Variants in ETS1 observed in about 807,000 individuals in gnomAD.
The protein encoded by ETS1 is ETS proto-oncogene 1, transcription factor.
A neutral mutation model predicts 58.6 loss-of-function variants in ETS1; 15 were observed. That is an observed-to-expected ratio of 0.26 (90% CI 0.17 to 0.39). ETS1 has a LOEUF of 0.39. Ranked by LOEUF, ETS1 falls within the 10% of genes least tolerant of loss-of-function variation. The probability of loss-of-function intolerance (pLI) is 1.00; values close to 1 mark genes in which losing one functional copy is unlikely to be tolerated. For missense variants in ETS1, 417 were observed against 610.5 expected, an observed-to-expected ratio of 0.68 and a Z score of 3.34; for synonymous variants, 214 against 218.2, an observed-to-expected ratio of 0.98 and a Z score of 0.17.
chr11:128,503,306 T>C (rs567831369), intron 3 of ETS1, among the ~76,000 whole-genome samples: 18 of 152,262 alleles, frequency 1.2e-4, no homozygotes, highest in African/African-American at 4.3e-4. Context: ...AGCAGGCACA[T>C]GCTGGATACT....
intron 3 of ETS1, among the ~76,000 whole-genome samples, chr11:128,523,623 A>C (rs1863744451): frequency 6.6e-6 from 1 of 152,234 alleles, no homozygotes; most frequent in Non-Finnish European, 1.5e-5. Flanking sequence ...TTGAAGCCTT[A>C]GTAATTTGCA....
chr11:128,487,551 C>T (rs1467294041), intron 5 of ETS1, among the ~76,000 whole-genome samples: 9 of 151,950 alleles, frequency 5.9e-5, no homozygotes, highest in Non-Finnish European at 1.0e-4. Context: ...CCATCCTGGC[C>T]AACACGGTGA....
chr11:128,497,830 A>G (rs1862983050), intron 3 of ETS1, among the ~76,000 whole-genome samples: 1 of 152,158 alleles, frequency 6.6e-6, no homozygotes, highest in African/African-American at 2.4e-5. Flanking sequence ...ACCCAAATCA[A>G]TTCCAGGTGT....
intron 3 of ETS1, among the ~76,000 whole-genome samples, chr11:128,541,656 G>C (rs1864059763): frequency 1.3e-5 from 2 of 151,866 alleles, no homozygotes; most frequent in South Asian, 4.2e-4. Context: ...TATAATCTTG[G>C]GTAGTACCCA....
At chr11:128,522,078 G>T in intron 3 of ETS1, 1 of 1,393,698 alleles carries the variant, frequency 7.2e-7, no homozygotes, top group African/African-American at 1.5e-5. Context: ...TAGTAACAGG[G>T]GGAAGGGGAC....
At chr11:128,583,661 CTT>C (rs777523065) in intron 1 of ETS1, among the ~76,000 whole-genome samples, 1 of 152,104 alleles carries the variant, frequency 6.6e-6, no homozygotes, top group Non-Finnish European at 1.5e-5. Flanking sequence ...GACTAAATCT[CTT>C]TTAAATCTCT....
intron 3 of ETS1, among the ~76,000 whole-genome samples, chr11:128,556,086 G>A (rs1864307743): frequency 6.6e-6 from 1 of 152,084 alleles, no homozygotes; most frequent in Admixed American, 6.6e-5. Context: ...ACCTTTCTTG[G>A]GCCCATTCCT....
At chr11:128,485,097 A>G in intron 6 of ETS1, 26 bp from the exon 7 acceptor site, 1 of 1,598,746 alleles carries the variant, frequency 6.3e-7, no homozygotes. Context: ...TTGCAAGTAA[A>G]GAGAGGAGAG....
chr11:128,543,570 C>T (rs1197207175), intron 3 of ETS1, among the ~76,000 whole-genome samples: 1 of 152,172 alleles, frequency 6.6e-6, no homozygotes, highest in Non-Finnish European at 1.5e-5. Flanking sequence ...GCATGCCCAG[C>T]TCATGCCTCC....
At chr11:128,518,313 C>G (rs774899987) in intron 3 of ETS1, among the ~76,000 whole-genome samples, 1 of 152,234 alleles carries the variant, frequency 6.6e-6, no homozygotes, top group Admixed American at 6.5e-5. Flanking sequence ...GTACATAACA[C>G]AGCCACCTTA....
chr11:128,528,050 G>A (rs1863833169), intron 3 of ETS1, among the ~76,000 whole-genome samples: 2 of 152,276 alleles, frequency 1.3e-5, no homozygotes, highest in South Asian at 4.1e-4. Context: ...GGAGGAAGTA[G>A]TGGAAGGGAA....
intron 3 of ETS1, chr11:128,522,508 G>T: frequency 3.4e-6 from 1 of 296,678 alleles, no homozygotes; most frequent in Non-Finnish European, 5.0e-6. Context: ...CTCCGCCCGC[G>T]GCCCAAAGCG....
intron 3 of ETS1, among the ~76,000 whole-genome samples, chr11:128,507,225 G>A (rs569861055): frequency 6.6e-6 from 1 of 152,262 alleles, no homozygotes; most frequent in Non-Finnish European, 1.5e-5. Flanking sequence ...GATCGAGCCG[G>A]GCTCCACCCT....
At chr11:128,488,986 T>A (rs1862718318) in intron 5 of ETS1, among the ~76,000 whole-genome samples, 1 of 152,172 alleles carries the variant, frequency 6.6e-6, no homozygotes, top group Admixed American at 6.5e-5. Context: ...GCACTGCTTG[T>A]TCAACCAGGG....
intron 8 of ETS1, among the ~76,000 whole-genome samples, chr11:128,466,711 GA>G: frequency 6.7e-6 from 1 of 150,022 alleles, no homozygotes. Context: ...AGGAATGAAA[GA>G]AAAAAAAATT....
In ETS1 at chr11:128,549,352, C is replaced by G. The variant is rs1172309864; in HGVS notation, c.214+6939G>C. On this transcript the variant is annotated intron_variant, in intron 3 of 9. Coordinates refer to ENST00000392668, the MANE Select transcript of ETS1 (RefSeq NM_001143820.2). This position sits in a 1 kb window ranked among gnomAD's most constrained non-coding sequence, Gnocchi z 4.3. ...CCGAAGATGTCCATTCACCCAGTGC[C>G]GCGGCCGGAGCCGAGCGGGGCCTGA... 6.6e-6 allele frequency among the ~76,000 whole-genome samples: 1 copy of G among 152,102 alleles called. No homozygotes were observed. The highest frequency in any genetic ancestry group is 1.5e-5 in the Non-Finnish European group (1 of 68,002).
At chr11:128,565,058 AAAAT>A (rs1555089081) in intron 2 of ETS1, among the ~76,000 whole-genome samples, 90 of 142,856 alleles carry the variant, frequency 6.3e-4, no homozygotes, top group Middle Eastern at 7.2e-3. Context: ...ATAAATAAAT[AAAAT>A]AAATGTGTTT....
At chr11:128,568,632 T>C (rs1390251254) in intron 2 of ETS1, among the ~76,000 whole-genome samples, 1 of 152,208 alleles carries the variant, frequency 6.6e-6, no homozygotes, top group Non-Finnish European at 1.5e-5. Context: ...GGGGAAACCA[T>C]GAGTCCTGCT....
intron 3 of ETS1, among the ~76,000 whole-genome samples, chr11:128,515,046 G>A (rs1175864595): frequency 6.6e-6 from 1 of 151,754 alleles, no homozygotes; most frequent in Non-Finnish European, 1.5e-5. Flanking sequence ...AAAGAATTGA[G>A]GGCTTGTTTT....
Sources: allele counts gnomAD v4.1 joint callset (sites outside exome capture counted in the v4.1 genomes callset), GRCh38; gene constraint gnomAD v4.1.1; non-coding constraint Gnocchi (gnomAD v3.1); transcripts MANE v1.5; gene names NCBI Gene and HGNC (gene_info 2026-07-23, HGNC 2026-07-21).